Variants in MAP4K3 observed in about 807,000 individuals in gnomAD.
The protein encoded by MAP4K3 is MAPK/ERK kinase kinase kinase 3.
MAP4K3 carries 94 observed loss-of-function variants against 143.5 expected under a neutral mutation model. The ratio of observed to expected loss-of-function variants is 0.65; its 90% CI spans 0.55 to 0.78. The LOEUF (loss-of-function observed/expected upper bound fraction) is 0.78, where lower values mean the gene tolerates loss of function less well. MAP4K3 is among the 30% of genes least tolerant of loss of function. The pLI is 0.00. For missense variants in MAP4K3, 1,077 were observed against 1,068.1 expected, an observed-to-expected ratio of 1.01 and a Z score of -0.12; for synonymous variants, 416 against 347.2, an observed-to-expected ratio of 1.20 and a Z score of -2.20.
chr2:39,409,004 T>A (rs1276109851), intron 1 of MAP4K3, among the ~76,000 whole-genome samples: 1 of 152,198 alleles, frequency 6.6e-6, no homozygotes, highest in African/African-American at 2.4e-5. Flanking sequence ...GAAATTACAA[T>A]GTATTTCTGT....
At chr2:39,425,653 G>C (rs1665045019) in intron 1 of MAP4K3, among the ~76,000 whole-genome samples, 1 of 151,538 alleles carries the variant, frequency 6.6e-6, no homozygotes, top group Non-Finnish European at 1.5e-5. Flanking sequence ...CTAGCCTCCA[G>C]AACTGTGAGA....
intron 8 of MAP4K3, among the ~76,000 whole-genome samples, chr2:39,328,674 C>A (rs1431663526): frequency 6.6e-6 from 1 of 152,102 alleles, no homozygotes; most frequent in South Asian, 2.1e-4. Flanking sequence ...AACATTCATA[C>A]AACTGTATGA....
intron 2 of MAP4K3, among the ~76,000 whole-genome samples, chr2:39,372,327 T>C (rs1573211452): frequency 6.6e-6 from 1 of 151,958 alleles, no homozygotes; most frequent in East Asian, 1.9e-4. Context: ...GTTCATGGAC[T>C]GGAAGAATCA....
intron 2 of MAP4K3, among the ~76,000 whole-genome samples, chr2:39,362,796 C>T (rs1473719137): frequency 2.0e-5 from 3 of 152,148 alleles, no homozygotes; most frequent in Non-Finnish European, 4.4e-5. Context: ...GGTTTCAAAA[C>T]ATATTACAAA....
rs1681399408 is a variant in MAP4K3 at position 39,279,111 on chromosome 2, A to AG, written c.1715-626_1715-625insC. On this transcript the variant is annotated intron_variant, in intron 23 of 33. Coordinates refer to ENST00000263881, the MANE Select transcript of MAP4K3 (RefSeq NM_003618.4). ...AAGACTTTAGAACAGGAAAGAAAGGAAAGAACACTTCCAAGAGATCCAAGC... is the reference window on the plus strand; with the variant it reads ...AAGACTTTAGAACAGGAAAGAAAGGAGAAGAACACTTCCAAGAGATCCAAGC... Among the ~76,000 whole-genome samples the AG allele has an allele frequency of 2.0e-5, 3 of 152,346 alleles. No individual in the cohort carries two copies. In the South Asian group the frequency reaches 6.2e-4, roughly 32 times the overall value.
intron 30 of MAP4K3, 38 bp from the exon 31 acceptor site, chr2:39,258,478 G>C: frequency 6.3e-7 from 1 of 1,595,348 alleles, no homozygotes. Context: ...TAAGATAAAA[G>C]AAGTCTTATT....
At chr2:39,281,813 TTA>T (rs1295801712) in intron 22 of MAP4K3, among the ~76,000 whole-genome samples, 2 of 150,438 alleles carry the variant, frequency 1.3e-5, no homozygotes, top group Non-Finnish European at 3.0e-5. Context: ...AATTTAAGTA[TTA>T]TATAAATTAC....
chr2:39,307,916 CAAAG>C (rs770828305), intron 15 of MAP4K3, 23 bp downstream of exon 15: 211 of 1,492,668 alleles, frequency 1.4e-4, no homozygotes, highest in South Asian at 1.2e-4. Context: ...ACAATGCTGA[CAAAG>C]AAAATCAGAA....
chr2:39,356,379 G>A (rs777062378), intron 2 of MAP4K3, 40 bp from the exon 3 acceptor site: 2 of 1,066,906 alleles, frequency 1.9e-6, no homozygotes, highest in Non-Finnish European at 2.9e-6. Context: ...TTAGAGGTAA[G>A]TTTCAAAATG....
At chr2:39,395,359 A>G (rs1055797115) in intron 1 of MAP4K3, among the ~76,000 whole-genome samples, 3 of 140,820 alleles carry the variant, frequency 2.1e-5, no homozygotes, top group Non-Finnish European at 4.7e-5. Flanking sequence ...ACACACACAC[A>G]TTTTTAAAAT....
intron 2 of MAP4K3, among the ~76,000 whole-genome samples, chr2:39,363,554 A>G (rs1665828642): frequency 6.6e-6 from 1 of 151,012 alleles, no homozygotes; most frequent in South Asian, 2.1e-4. Context: ...CTGTAATCCC[A>G]GGTACTTTGG....
chr2:39,252,997 T>G (rs1286254287), intron 32 of MAP4K3, among the ~76,000 whole-genome samples: 1 of 152,238 alleles, frequency 6.6e-6, no homozygotes, highest in Non-Finnish European at 1.5e-5. Flanking sequence ...ACTTCTGTAT[T>G]TGTCTGTAAT....
chr2:39,282,835 T>C (rs985356473), intron 21 of MAP4K3, among the ~76,000 whole-genome samples: 4 of 152,248 alleles, frequency 2.6e-5, no homozygotes, highest in African/African-American at 9.6e-5. Context: ...TTGGTATATA[T>C]GTAAATACAT....
intron 4 of MAP4K3, among the ~76,000 whole-genome samples, chr2:39,341,043 T>C (rs944772505): frequency 8.6e-5 from 13 of 151,976 alleles, no homozygotes; most frequent in Admixed American, 4.6e-4. Context: ...CCAGATGTGA[T>C]AAAAGAGCAA....
intron 3 of MAP4K3, among the ~76,000 whole-genome samples, chr2:39,356,009 G>C (rs1307757037): frequency 6.6e-6 from 1 of 152,168 alleles, no homozygotes; most frequent in African/African-American, 2.4e-5. Flanking sequence ...CTAACCGTAA[G>C]GTTTTTACTT....
intron 32 of MAP4K3, 48 bp downstream of exon 32, chr2:39,254,402 G>A: frequency 1.4e-6 from 2 of 1,436,778 alleles, no homozygotes; most frequent in South Asian, 1.2e-5. Flanking sequence ...TGTTTGAAGT[G>A]GAATTTGATA....
intron 29 of MAP4K3, among the ~76,000 whole-genome samples, 168 bp from the exon 30 acceptor site, chr2:39,258,755 T>G (rs1388096762): frequency 1.3e-5 from 2 of 152,214 alleles, no homozygotes; most frequent in Non-Finnish European, 2.9e-5. Flanking sequence ...CTGATGCAAG[T>G]GCTAAACAAC....
intron 8 of MAP4K3, 89 bp from the exon 9 acceptor site, chr2:39,326,366 T>C: frequency 7.0e-7 from 1 of 1,419,826 alleles, no homozygotes; most frequent in Admixed American, 2.1e-5. Context: ...TATCACTATC[T>C]AAATTAAGGC....
intron 2 of MAP4K3, among the ~76,000 whole-genome samples, chr2:39,377,013 T>A (rs1439060626): frequency 1.3e-5 from 2 of 152,146 alleles, no homozygotes; most frequent in East Asian, 1.9e-4. Flanking sequence ...AAAATTTTTT[T>A]AATTCATTTT....
Sources: gnomAD v4.1 joint callset for allele counts (sites outside exome capture counted in the v4.1 genomes callset) on GRCh38, gnomAD v4.1.1 for gene constraint, MANE v1.5 for transcripts, NCBI Gene and HGNC (gene_info 2026-07-23, HGNC 2026-07-21) for gene names.